DEPDC4: variants seen among roughly 807,000 people sequenced by gnomAD.
DEPDC4 encodes the protein DEP domain-containing protein 4.
Under a neutral mutation model 52.0 loss-of-function variants are expected in DEPDC4, and 52 were observed. The observed-to-expected ratio is 1.00, with a 90% CI of 0.80 to 1.26. DEPDC4 has a LOEUF of 1.26. DEPDC4 is among the 50% of genes most tolerant of loss of function. The pLI, the probability that DEPDC4 is intolerant of heterozygous loss-of-function variation, is 0.00. For synonymous variants in DEPDC4, 201 were observed against 196.8 expected, an observed-to-expected ratio of 1.02 and a Z score of -0.18; for missense variants, 530 against 546.9, an observed-to-expected ratio of 0.97 and a Z score of 0.31.
rs113833437 is a variant in DEPDC4 at position 100,263,181 on chromosome 12, C to T, written c.554+316G>A. Among the ~76,000 whole-genome samples the T allele has an allele frequency of 4.4e-3, 670 of 152,256 alleles. 5 individuals carry two copies. The highest frequency in any genetic ancestry group is 0.025 in the South Asian group (122 of 4,826). ...TTTGCTATAATGGCCAGGCTGGTTT[C>T]GAACTCCTGATCTCAAGTGATCTGT... On this transcript the variant is annotated intron_variant, in intron 2 of 9. Coordinates refer to ENST00000550587, the MANE Select transcript of DEPDC4 (RefSeq NM_001364818.2).
In DEPDC4 at chr12:100,241,575, G is replaced by T; in HGVS notation, c.*317C>A. The T allele has an allele frequency of 1.4e-6, 1 of 737,022 alleles. No homozygotes were observed. The highest frequency in any genetic ancestry group is 1.8e-6 in the Non-Finnish European group (1 of 566,438). The allele number at this position is 737,022 out of a possible 1,614,324, so 45.7% of individuals were successfully genotyped here. On this transcript the variant is annotated 3_prime_UTR_variant, in exon 10 of 10. Transcript: ENST00000550587. ...AAATAAAACACTTAAAATCCTTTGA[G>T]ATTATGCTTTCTCTGAAGTGTAAGT...
Position 100,252,455 on chromosome 12 carries a change from C to A in DEPDC4, c.1187G>T (p.Arg396Leu). 1.2e-6 allele frequency: 2 copies of A among 1,605,434 alleles called. No individual in the cohort carries two copies. The highest frequency in any genetic ancestry group is 1.1e-5 in the South Asian group (1 of 90,918). The stretch of plus-strand genomic sequence containing the variant: ...CATTGCCATAAAAGTAAGTAGCCGT[C>A]GTAATTCTTCTCTAATGTTCAGCAA... ...LLLLNIREEL[R>L]RLLTFMAMAS... Residue 396 changes from arginine to leucine, a missense_variant, in exon 6 of 10, where the codon CGA (arginine) becomes CTA (leucine). Physicochemically the swap from Arg to Leu is moderately radical, Grantham distance 102. Transcript: ENST00000550587.
At chr12:100,236,919 G>A (rs2096142152), downstream of DEPDC4, among the ~76,000 whole-genome samples, 1 of 152,086 alleles carries the variant, frequency 6.6e-6, no homozygotes. Context: ...AATTATCCTA[G>A]CACCATTTGT....
chr12:100,243,026 T>C (rs1005116676), intron 8 of DEPDC4, among the ~76,000 whole-genome samples: 11 of 152,178 alleles, frequency 7.2e-5, no homozygotes, highest in Non-Finnish European at 1.6e-4. Context: ...CTATGTTTTT[T>C]CCTATATATA....
chr12:100,253,979 C>G (rs544257570), intron 4 of DEPDC4, among the ~76,000 whole-genome samples: 3 of 151,920 alleles, frequency 2.0e-5, no homozygotes, highest in Non-Finnish European at 4.4e-5. Flanking sequence ...TTTAATGAAC[C>G]CTTTATTATT....
At chr12:100,238,332 G>T (rs1222023017), downstream of DEPDC4, among the ~76,000 whole-genome samples, 1 of 151,754 alleles carries the variant, frequency 6.6e-6, no homozygotes, top group East Asian at 1.9e-4. Context: ...CTAATTTTTT[G>T]TATTTTTAGT....
At chr12:100,256,383 TTA>T (rs1476046511) in intron 3 of DEPDC4, among the ~76,000 whole-genome samples, 157 bp from the exon 4 acceptor site, 1 of 152,188 alleles carries the variant, frequency 6.6e-6, no homozygotes, top group African/African-American at 2.4e-5. Flanking sequence ...TTTACATTTG[TTA>T]TATTACAATT....
At chr12:100,233,258 C>T (rs1478038098) in intron 9 of DEPDC4, among the ~76,000 whole-genome samples, 2 of 152,166 alleles carry the variant, frequency 1.3e-5, no homozygotes, top group East Asian at 3.9e-4. Context: ...CTCCTATATA[C>T]ATACATATAT....
chr12:100,243,251 GA>G lies in DEPDC4; in HGVS notation c.1454-683del, dbSNP rs554181766. The stretch of plus-strand genomic sequence containing the variant: ...TAAAAGGGGGGGTACTGTAAGTGTT[GA>G]AAAAAAATACCGTCTAATCGGTACC... On this transcript the variant is annotated intron_variant, in intron 8 of 9. Transcript: ENST00000550587. Among the ~76,000 whole-genome samples the G allele has an allele frequency of 9.9e-4, 151 of 151,766 alleles. 1 individual carries two copies. Among genetic ancestry groups the G allele is most frequent in the Non-Finnish European group, 1.9e-3 (126 of 67,890 alleles).
intron 8 of DEPDC4, among the ~76,000 whole-genome samples, chr12:100,244,909 T>C (rs1178921226): frequency 6.6e-6 from 1 of 151,844 alleles, no homozygotes; most frequent in Non-Finnish European, 1.5e-5. Flanking sequence ...TCTCACTCTG[T>C]TGCCCAGACT....
chr12:100,231,921 G>A (rs913905740), intron 9 of DEPDC4, among the ~76,000 whole-genome samples: 2 of 151,880 alleles, frequency 1.3e-5, no homozygotes, highest in Admixed American at 6.6e-5. Context: ...CTCCAGCATG[G>A]GTGTCAGAGA....
intron 1 of DEPDC4, among the ~76,000 whole-genome samples, chr12:100,265,515 G>C (rs1350667437): frequency 2.0e-5 from 3 of 152,088 alleles, no homozygotes; most frequent in African/African-American, 4.8e-5. Flanking sequence ...AGAATTGCTA[G>C]AACCAGGAGG....
intron 3 of DEPDC4, among the ~76,000 whole-genome samples, chr12:100,259,483 G>A (rs182735231): frequency 9.1e-4 from 138 of 152,298 alleles, no homozygotes; most frequent in Non-Finnish European, 1.5e-3. Flanking sequence ...ACAAAACGTC[G>A]TAAAGGAAAA....
chr12:100,272,419 T>G, the DEPDC4 span, among the ~76,000 whole-genome samples: 1 of 152,354 alleles, frequency 6.6e-6, no homozygotes, highest in Admixed American at 6.5e-5. Flanking sequence ...CCTTGGAGAT[T>G]ACTCTGTCCT....
intron 9 of DEPDC4, among the ~76,000 whole-genome samples, chr12:100,231,953 A>AG (rs1359841687): frequency 1.3e-5 from 2 of 152,194 alleles, no homozygotes; most frequent in African/African-American, 4.8e-5. Context: ...TCAGAAAAAA[A>AG]AAAAGAATTA....
chr12:100,243,437 TCTC>T (rs1431238672), intron 8 of DEPDC4, among the ~76,000 whole-genome samples: 4 of 152,112 alleles, frequency 2.6e-5, no homozygotes, highest in African/African-American at 7.2e-5. Context: ...GACAATATGG[TCTC>T]CTCCTACTTT....
At chr12:100,239,402 G>A (rs1013567813), downstream of DEPDC4, among the ~76,000 whole-genome samples, 5 of 151,006 alleles carry the variant, frequency 3.3e-5, no homozygotes, top group East Asian at 5.8e-4. Flanking sequence ...TTGAGACAGC[G>A]TTTCACTCTA....
chr12:100,256,351 G>T, intron 3 of DEPDC4, 125 bp from the exon 4 acceptor site: 2 of 583,970 alleles, frequency 3.4e-6, no homozygotes, highest in South Asian at 3.3e-5. Flanking sequence ...TAATATAATG[G>T]GTTAATTTAA....
chr12:100,267,590 C>T (rs2096279998), upstream of DEPDC4: 1 of 152,624 alleles, frequency 6.6e-6, no homozygotes, highest in Non-Finnish European at 1.5e-5. Context: ...GGCGCCCGCG[C>T]AAAGCGGGGC....
Sources: gnomAD v4.1 joint callset for allele counts (sites outside exome capture counted in the v4.1 genomes callset) on GRCh38, gnomAD v4.1.1 for gene constraint, MANE v1.5 for transcripts, NCBI Gene and HGNC (gene_info 2026-07-23, HGNC 2026-07-21) for gene names.